The following PPP2R5D variants were observed in gnomAD, a reference collection of about 807,000 sequenced individuals.
PPP2R5D encodes protein phosphatase 2 regulatory subunit B'delta, also known as serine/threonine-protein phosphatase 2A 56 kDa regulatory subunit delta isoform.
A neutral mutation model predicts 79.1 loss-of-function variants in PPP2R5D; 12 were observed. The ratio of observed to expected loss-of-function variants is 0.15; its 90% CI spans 0.10 to 0.25. The LOEUF is 0.25. PPP2R5D is among the 10% of genes least tolerant of loss of function. The pLI, the probability that PPP2R5D is intolerant of heterozygous loss-of-function variation, is 1.00. For missense variants in PPP2R5D, 419 were observed against 760.2 expected (o/e 0.55, Z 5.28); for synonymous variants, 277 against 286.6 (o/e 0.97, Z 0.34).
Position 42,998,013 on chromosome 6 carries a change from ATTTATATATAT to A in PPP2R5D, c.105+8326_105+8336del, listed in dbSNP as rs1771838614. Among the ~76,000 whole-genome samples, 261 of 38,400 alleles carry A rather than the reference ATTTATATATAT, an allele frequency of 6.8e-3. 19 individuals carry two copies. Among genetic ancestry groups the A allele is most frequent in the African/African-American group, 0.021 (245 of 11,948 alleles). 25.2% of individuals were successfully genotyped at this position (38,400 alleles called of 152,430 possible). ...ATTTATATTTGAATATTTGGGTTTT[ATTTATATATAT>A]ATATATATATATATATATATATATA... On this transcript the variant is annotated intron_variant, in intron 2 of 15. Coordinates refer to ENST00000485511, the MANE Select transcript of PPP2R5D (RefSeq NM_006245.4).
At chr6:42,996,282 G>A (rs1771680298) in intron 2 of PPP2R5D, among the ~76,000 whole-genome samples, 1 of 149,990 alleles carries the variant, frequency 6.7e-6, no homozygotes, top group South Asian at 2.1e-4. Context: ...GGCTAACATG[G>A]TGAAACCCCG....
In PPP2R5D at chr6:42,984,607, C is replaced by T. The variant is rs919177006; in HGVS notation, c.-71C>T. 12 of 1,533,162 alleles carry T rather than the reference C, an allele frequency of 7.8e-6. No individual in the cohort carries two copies. The highest frequency in any genetic ancestry group is 5.6e-5 in the African/African-American group (4 of 70,868). 95.0% of individuals were successfully genotyped at this position (1,533,162 alleles called of 1,614,324 possible). A position where few individuals can be genotyped will look rare whatever the true frequency, so the allele number is the denominator to read the frequency against. On this transcript the variant is annotated 5_prime_UTR_variant, in exon 1 of 16. Coordinates refer to ENST00000485511, the MANE Select transcript of PPP2R5D (RefSeq NM_006245.4). Reference sequence around the variant, plus strand: ...CGGTGGCGAAGAGACGCCGAGCGGGCCGAGTGCGGCCGAGCAAAGCCGGAG... The same window carrying T: ...CGGTGGCGAAGAGACGCCGAGCGGGTCGAGTGCGGCCGAGCAAAGCCGGAG...
chr6:42,993,426 G>A (rs145372524), intron 2 of PPP2R5D, among the ~76,000 whole-genome samples: 47 of 152,274 alleles, frequency 3.1e-4, no homozygotes, highest in South Asian at 1.7e-3. Flanking sequence ...AGAGGAGATC[G>A]TGCCATTGCA....
At chr6:42,985,043 C>G (rs1025957070) in intron 1 of PPP2R5D, among the ~76,000 whole-genome samples, 1 of 151,796 alleles carries the variant, frequency 6.6e-6, no homozygotes, top group African/African-American at 2.4e-5. Context: ...ACCCCTGGCC[C>G]CGATCCCCCT....
At position 42,989,618 on chromosome 6, in the gene PPP2R5D, C is replaced by T. The variant is rs1306373469; in HGVS notation, c.35C>T (p.Pro12Leu). The T allele has an allele frequency of 6.2e-7, 1 of 1,613,402 alleles. No individual in the cohort carries two copies. The highest frequency in any genetic ancestry group is 1.3e-5 in the African/African-American group (1 of 74,918). ...TTCATCTTTTCCTTTCAGGAGCCCC[C>T]CAAGGTTGCCAAATGCACAGCCAAG... ...PYKLKKEKEP[P>L]KVAKCTAKPS... is the part of the protein sequence containing the mutation. Residue 12 changes from proline to leucine, a missense_variant, in exon 2 of 16, where the codon CCC becomes CTC. By Grantham distance (98) the Pro-to-Leu change is moderately conservative. Coordinates refer to ENST00000485511, the MANE Select transcript of PPP2R5D (RefSeq NM_006245.4).
chr6:42,984,812 C>G lies in PPP2R5D; in HGVS notation c.27+108C>G, dbSNP rs929241276. On this transcript the variant is annotated intron_variant, in intron 1 of 15. Coordinates refer to ENST00000485511, the MANE Select transcript of PPP2R5D (RefSeq NM_006245.4). ...CCCCAGACTGACCCTCCCGTCCAGC[C>G]CCCGCAGGACTCCTGGGGCCAGCCC... 2.0e-6 allele frequency: 3 copies of G among 1,507,436 alleles called. No homozygotes were observed. In the African/African-American group the frequency reaches 4.3e-5, roughly 21 times the overall value. 93.4% of individuals were successfully genotyped at this position (1,507,436 alleles called of 1,614,324 possible).
chr6:43,002,733 T>C (rs1228666354), intron 2 of PPP2R5D, among the ~76,000 whole-genome samples: 1 of 152,160 alleles, frequency 6.6e-6, no homozygotes, highest in Non-Finnish European at 1.5e-5. Context: ...TTATAAAAAA[T>C]TCAGAGGATG....
chr6:42,991,887 A>C (rs1293694195), intron 2 of PPP2R5D, among the ~76,000 whole-genome samples: 1 of 152,140 alleles, frequency 6.6e-6, no homozygotes. Flanking sequence ...TGTTGAGTTC[A>C]CCTTGGGCTG....
At position 42,989,655 on chromosome 6, in the gene PPP2R5D, G is replaced by A. The variant is rs148177015; in HGVS notation, c.72G>A (p.Ser24=). 48 of 1,613,952 alleles carry A rather than the reference G, an allele frequency of 3.0e-5. No homozygotes were observed. Among genetic ancestry groups the A allele is most frequent in the Admixed American group, 1.3e-4 (8 of 59,998 alleles). The part of the protein sequence containing the change: ...VAKCTAKPSS[S]GKDGGGENTE... ...AATGCACAGCCAAGCCTAGCAGCTC[G>A]GGCAAGGATGGTGGAGGCGAGAACA... The change falls in exon 2 of 16, where the codon TCG becomes TCA. Residue 24 remains serine (S), a synonymous_variant. Transcript: ENST00000485511.
intron 2 of PPP2R5D, among the ~76,000 whole-genome samples, chr6:42,997,078 C>T (rs1257093635): frequency 6.6e-6 from 1 of 152,162 alleles, no homozygotes; most frequent in Admixed American, 6.5e-5. Context: ...TCACTGCAAC[C>T]TCTGCCTCCC....
chr6:42,990,282 G>C (rs1025846591), intron 2 of PPP2R5D, among the ~76,000 whole-genome samples: 1 of 152,218 alleles, frequency 6.6e-6, no homozygotes, highest in Non-Finnish European at 1.5e-5. Context: ...GTTTGGGAGT[G>C]TGCACAGTGG....
chr6:42,989,229 C>G (rs139741223), intron 1 of PPP2R5D, among the ~76,000 whole-genome samples: 128 of 152,332 alleles, frequency 8.4e-4, no homozygotes, highest in Non-Finnish European at 1.5e-3. Context: ...CTCCGGCACA[C>G]CTTTGACCAC....
At chr6:42,998,053 ATATAT>A (rs1561844023) in intron 2 of PPP2R5D, among the ~76,000 whole-genome samples, 14 of 18,606 alleles carry the variant, frequency 7.5e-4, no homozygotes, top group African/African-American at 2.5e-3. Context: ...ATATATATAT[ATATAT>A]TTTTTTTTTT....
At chr6:42,989,722 C>A in intron 2 of PPP2R5D, 34 bp downstream of exon 2, 1 of 1,579,188 alleles carries the variant, frequency 6.3e-7, no homozygotes, top group Non-Finnish European at 8.7e-7. Context: ...AGATGTGGTG[C>A]AGGTGCCACC....
At position 43,008,794 on chromosome 6, in the gene PPP2R5D, A is replaced by G; in HGVS notation, c.1080+48A>G. On this transcript the variant is annotated intron_variant, in intron 10 of 15. Transcript: ENST00000485511. This position sits in a 1 kb window ranked among gnomAD's most constrained non-coding sequence, Gnocchi z 4.2. Reference sequence around the variant, plus strand: ...AGGCCCACCTCTTACTGTCAGCATCACTTGCCAGTCTGTACCTACTGGGGG... The same window carrying G: ...AGGCCCACCTCTTACTGTCAGCATCGCTTGCCAGTCTGTACCTACTGGGGG... 1 of 1,575,830 alleles carries G rather than the reference A, an allele frequency of 6.3e-7. No homozygotes were observed. The highest frequency in any genetic ancestry group is 8.7e-7 in the Non-Finnish European group (1 of 1,147,436).
intron 1 of PPP2R5D, among the ~76,000 whole-genome samples, chr6:42,988,488 A>G (rs763378777): frequency 6.6e-6 from 1 of 152,228 alleles, no homozygotes; most frequent in Non-Finnish European, 1.5e-5. Context: ...CCTCTGGTCC[A>G]TATGGACAAG....
chr6:43,001,655 C>T (rs899151699), intron 2 of PPP2R5D, among the ~76,000 whole-genome samples: 2 of 151,824 alleles, frequency 1.3e-5, no homozygotes, highest in African/African-American at 4.8e-5. Context: ...GAGGCTGAGG[C>T]GGGCGGATCA....
Position 42,984,574 on chromosome 6 carries a change from C to A in PPP2R5D, c.-104C>A. ...CAGGCACCGCTCGACCCGGGCGCAG[C>A]GCGCAGGCGGTGGCGAAGAGACGCC... On this transcript the variant is annotated 5_prime_UTR_variant, in exon 1 of 16. Coordinates refer to ENST00000485511, the MANE Select transcript of PPP2R5D (RefSeq NM_006245.4). The A allele has an allele frequency of 6.9e-7, 1 of 1,454,470 alleles. No homozygotes were observed. The highest frequency in any genetic ancestry group is 9.0e-7 in the Non-Finnish European group (1 of 1,106,572). The allele number at this position is 1,454,470 out of a possible 1,614,324, so 90.1% of individuals were successfully genotyped here.
At position 43,012,141 on chromosome 6, in the gene PPP2R5D, C is replaced by T; in HGVS notation, c.*855C>T. Reference sequence around the variant, plus strand: ...CCTTGTTTGTGCTATGCTGGGCAGGCCTTCTCTTGTCCCTTATAGGTACCT... The same window carrying T: ...CCTTGTTTGTGCTATGCTGGGCAGGTCTTCTCTTGTCCCTTATAGGTACCT... On this transcript the variant is annotated 3_prime_UTR_variant, in exon 16 of 16. Transcript: ENST00000485511. 2.1e-6 allele frequency: 2 copies of T among 965,930 alleles called. No homozygotes were observed. The highest frequency in any genetic ancestry group is 1.3e-6 in the Non-Finnish European group (1 of 795,476). The allele number at this position is 965,930 out of a possible 1,614,324, so 59.8% of individuals were successfully genotyped here.
Sources: gnomAD v4.1 joint callset for allele counts (sites outside exome capture counted in the v4.1 genomes callset) on GRCh38, gnomAD v4.1.1 for gene constraint, Gnocchi (gnomAD v3.1) non-coding constraint, MANE v1.5 for transcripts, NCBI Gene and HGNC (gene_info 2026-07-23, HGNC 2026-07-21) for gene names.